The following NELL2 variants were observed in gnomAD, a reference collection of about 807,000 sequenced individuals.
The protein encoded by NELL2 is neural EGFL like 2, also known as protein kinase C-binding protein NELL2.
A neutral mutation model predicts 109.6 loss-of-function variants in NELL2; 41 were observed. The ratio of observed to expected loss-of-function variants is 0.37; its 90% CI spans 0.29 to 0.49. The LOEUF (loss-of-function observed/expected upper bound fraction) is 0.49, where lower values mean the gene tolerates loss of function less well. Among genes scored for constraint, NELL2 ranks in the 20% least tolerant of loss-of-function variants. The pLI, the probability that NELL2 is intolerant of heterozygous loss-of-function variation, is 0.98. For missense variants in NELL2, 900 were observed against 1,008.3 expected (o/e 0.89, Z 1.45); for synonymous variants, 355 against 344.7 (o/e 1.03, Z -0.33).
At chr12:44,804,398 G>A (rs1942931431) in intron 3 of NELL2, among the ~76,000 whole-genome samples, 1 of 151,844 alleles carries the variant, frequency 6.6e-6, no homozygotes. Flanking sequence ...GAAGTGGAGT[G>A]TACACAACAG....
chr12:44,618,869 T>C (rs1391394576), intron 13 of NELL2, among the ~76,000 whole-genome samples: 1 of 152,194 alleles, frequency 6.6e-6, no homozygotes, highest in East Asian at 1.9e-4. Context: ...TGCATTATCC[T>C]CTTTAGTCTT....
intron 9 of NELL2, among the ~76,000 whole-genome samples, chr12:44,763,005 T>G (rs1941188402): frequency 6.6e-6 from 1 of 152,208 alleles, no homozygotes; most frequent in Non-Finnish European, 1.5e-5. Flanking sequence ...GCTCATAAAT[T>G]CATTCCTAGG....
At chr12:44,706,497 G>C (rs1566203822) in intron 11 of NELL2, among the ~76,000 whole-genome samples, 1 of 152,100 alleles carries the variant, frequency 6.6e-6, no homozygotes, top group Non-Finnish European at 1.5e-5. Flanking sequence ...TGGCAGGCCT[G>C]AGTTTACATC....
intron 15 of NELL2, among the ~76,000 whole-genome samples, chr12:44,577,820 A>T (rs1252451108): frequency 2.0e-5 from 3 of 151,990 alleles, no homozygotes; most frequent in African/African-American, 4.8e-5. Context: ...GAACTAGCAG[A>T]CCTTGATCGT....
chr12:44,879,623 G>C (rs1002466464), upstream of NELL2, among the ~76,000 whole-genome samples: 3 of 152,020 alleles, frequency 2.0e-5, no homozygotes, highest in Non-Finnish European at 2.9e-5. Context: ...ACTCTATCGG[G>C]ACCCTAAGAA....
intron 15 of NELL2, among the ~76,000 whole-genome samples, chr12:44,578,778 A>G (rs2136207270): frequency 6.6e-6 from 1 of 152,308 alleles, no homozygotes; most frequent in South Asian, 2.1e-4. Context: ...GTTTTCTTGA[A>G]GAAACAGACT....
At chr12:44,886,857 C>G (rs1945479195) in intron 1 of NELL2, among the ~76,000 whole-genome samples, 1 of 151,966 alleles carries the variant, frequency 6.6e-6, no homozygotes, top group Non-Finnish European at 1.5e-5. Flanking sequence ...AATATAATCT[C>G]TGTCTTTATG....
chr12:44,524,322 C>G (rs531923749), intron 16 of NELL2, among the ~76,000 whole-genome samples: 2 of 152,054 alleles, frequency 1.3e-5, no homozygotes, highest in African/African-American at 4.8e-5. Flanking sequence ...TTTATTTACC[C>G]CCGTAATTTA....
chr12:44,564,891 T>C (rs1943598020), intron 15 of NELL2, among the ~76,000 whole-genome samples: 1 of 152,196 alleles, frequency 6.6e-6, no homozygotes. Flanking sequence ...TATCAACCCA[T>C]GCACATTTGG....
At chr12:44,871,412 A>C (rs1945156589) in intron 2 of NELL2, among the ~76,000 whole-genome samples, 1 of 152,198 alleles carries the variant, frequency 6.6e-6, no homozygotes, top group Non-Finnish European at 1.5e-5. Context: ...GTTTCCCAAA[A>C]ATAACTTATT....
At chr12:44,634,829 AAT>A (rs1946577147) in intron 13 of NELL2, among the ~76,000 whole-genome samples, 2 of 151,682 alleles carry the variant, frequency 1.3e-5, no homozygotes, top group Non-Finnish European at 2.9e-5. Context: ...TCCCCTCTAG[AAT>A]ATGTTGTTTC....
At chr12:44,591,730 C>T (rs1228483994) in intron 15 of NELL2, among the ~76,000 whole-genome samples, 1 of 152,074 alleles carries the variant, frequency 6.6e-6, no homozygotes, top group African/African-American at 2.4e-5. Flanking sequence ...TAATAATTTA[C>T]TGTATATTTT....
intron 15 of NELL2, among the ~76,000 whole-genome samples, chr12:44,574,507 A>G (rs1443270842): frequency 1.3e-5 from 2 of 152,128 alleles, no homozygotes; most frequent in African/African-American, 4.8e-5. Flanking sequence ...TGTCTTTTCT[A>G]ACTTAAAGGA....
Position 44,523,424 on chromosome 12 carries a change from A to C in NELL2, c.1865T>G (p.Leu622Trp). Residue 622 changes from leucine (L) to tryptophan (W), a missense_variant, in exon 17 of 20, where the codon TTG (leucine) becomes TGG (tryptophan). Coordinates refer to ENST00000429094, the MANE Select transcript of NELL2 (RefSeq NM_001145108.2). ...SCANDTICFN[L>W]DGGYDCRCPH... is the part of the protein sequence containing the mutation. ...ACATCGACAATCATATCCGCCATCC[A>C]AATTGAAGCAAATGGTATCATTGGC... 1.2e-6 allele frequency: 2 copies of C among 1,614,130 alleles called. No individual in the cohort carries two copies. Among genetic ancestry groups the C allele is most frequent in the Non-Finnish European group, 1.7e-6 (2 of 1,180,016 alleles).
At chr12:44,821,143 T>C (rs982185278) in intron 2 of NELL2, among the ~76,000 whole-genome samples, 2 of 152,170 alleles carry the variant, frequency 1.3e-5, no homozygotes, top group African/African-American at 2.4e-5. Flanking sequence ...TAATAATATA[T>C]TTTTCCCTTT....
intron 15 of NELL2, among the ~76,000 whole-genome samples, chr12:44,569,168 A>G (rs930460538): frequency 1.3e-5 from 2 of 152,190 alleles, no homozygotes; most frequent in Non-Finnish European, 2.9e-5. Flanking sequence ...TTTGCTAACA[A>G]TAATGGCCTC....
chr12:44,523,983 C>T (rs60837979), intron 16 of NELL2, among the ~76,000 whole-genome samples: 225 of 152,222 alleles, frequency 1.5e-3, no homozygotes, highest in Middle Eastern at 3.4e-3. Flanking sequence ...ACCTGCCCCC[C>T]TCCATGAAGC....
intron 15 of NELL2, among the ~76,000 whole-genome samples, chr12:44,597,337 C>A (rs1201175584): frequency 6.6e-6 from 1 of 152,168 alleles, no homozygotes; most frequent in Non-Finnish European, 1.5e-5. Flanking sequence ...GGACTTTCAT[C>A]TCCTGGAAAA....
intron 9 of NELL2, among the ~76,000 whole-genome samples, chr12:44,721,418 G>C (rs917578297): frequency 2.0e-5 from 3 of 152,086 alleles, no homozygotes; most frequent in African/African-American, 7.2e-5. Context: ...GACAAACATG[G>C]ACACACATGA....
Sources: gnomAD v4.1 joint callset for allele counts (sites outside exome capture counted in the v4.1 genomes callset) on GRCh38, gnomAD v4.1.1 for gene constraint, MANE v1.5 for transcripts, NCBI Gene and HGNC (gene_info 2026-07-23, HGNC 2026-07-21) for gene names.